The following TC2N variants were observed in gnomAD, a reference collection of about 807,000 sequenced individuals.
The protein encoded by TC2N is tandem C2 domains, nuclear.
TC2N carries 51 observed loss-of-function variants against 61.9 expected under a neutral mutation model. The ratio of observed to expected loss-of-function variants is 0.82; its 90% confidence interval spans 0.66 to 1.04. The LOEUF (loss-of-function observed/expected upper bound fraction) is 1.04, where lower values mean the gene tolerates loss of function less well. Ranked by LOEUF, TC2N falls within the 50% of genes least tolerant of loss-of-function variation. The pLI, the probability that TC2N is intolerant of heterozygous loss-of-function variation, is 0.00. For synonymous variants in TC2N, 204 were observed against 192.6 expected (o/e 1.06, Z -0.49); for missense variants, 556 against 566.7 (o/e 0.98, Z 0.19).
chr14:91,815,927 C>A (rs1367251177), intron 1 of TC2N, among the ~76,000 whole-genome samples: 2 of 151,600 alleles, frequency 1.3e-5, no homozygotes, highest in East Asian at 3.9e-4. Context: ...TAAACATAAC[C>A]ATAATAGTAT....
At chr14:91,820,944 A>G (rs896143397) in intron 1 of TC2N, among the ~76,000 whole-genome samples, 6 of 152,084 alleles carry the variant, frequency 3.9e-5, no homozygotes, top group Admixed American at 1.3e-4. Flanking sequence ...ACTGAAAGAT[A>G]TTAAAGAAGA....
chr14:91,797,667 A>G (rs1885961851), intron 8 of TC2N, 118 bp downstream of exon 8: 1 of 678,008 alleles, frequency 1.5e-6, no homozygotes, highest in Admixed American at 3.2e-5. Context: ...AATAATACAT[A>G]GTTGTAGTTT....
At chr14:91,802,922 T>C (rs1886330190) in intron 3 of TC2N, among the ~76,000 whole-genome samples, 1 of 151,660 alleles carries the variant, frequency 6.6e-6, no homozygotes, top group East Asian at 1.9e-4. Context: ...TAAAAACTAT[T>C]TATATGGAAA....
intron 3 of TC2N, among the ~76,000 whole-genome samples, chr14:91,811,402 A>C (rs1037257047): frequency 6.6e-6 from 1 of 152,016 alleles, no homozygotes; most frequent in Admixed American, 6.6e-5. Context: ...TTTTCTAATA[A>C]AATTTTGAGG....
intron 1 of TC2N, among the ~76,000 whole-genome samples, chr14:91,829,272 CTT>C (rs1309766103): frequency 1.3e-5 from 2 of 152,098 alleles, no homozygotes; most frequent in Non-Finnish European, 2.9e-5. Context: ...TTTCTTTTCT[CTT>C]TCTTTTCTTG....
At chr14:91,788,244 G>A (rs1025670572) in intron 9 of TC2N, among the ~76,000 whole-genome samples, 1 of 152,122 alleles carries the variant, frequency 6.6e-6, no homozygotes, top group Admixed American at 6.6e-5. Context: ...CAAAATGAAG[G>A]AGACTTAGAG....
intron 1 of TC2N, among the ~76,000 whole-genome samples, chr14:91,842,341 C>T (rs894376827): frequency 6.6e-6 from 1 of 152,162 alleles, no homozygotes; most frequent in Non-Finnish European, 1.5e-5. Flanking sequence ...ATAGGAACTA[C>T]AGAAATTTGG....
At chr14:91,836,417 T>G (rs542994811) in intron 1 of TC2N, 8 of 152,214 alleles carry the variant, frequency 5.3e-5, no homozygotes, top group African/African-American at 1.9e-4. Flanking sequence ...GCGGGAACTG[T>G]GACTCCGGTC....
At position 91,829,008 on chromosome 14, in the gene TC2N, A is replaced by G. The variant is rs943459477; in HGVS notation, c.-56-15183T>C. Among the ~76,000 whole-genome samples the G allele has an allele frequency of 1.1e-4, 16 of 151,476 alleles. 1 individual carries two copies. The highest frequency in any genetic ancestry group is 2.1e-4 in the South Asian group (1 of 4,820). On this transcript the variant is annotated intron_variant, in intron 1 of 11. Transcript: ENST00000435962. Reference sequence around the variant, plus strand: ...TTATTCCATTGTCTTCTGTCCCACCATTGTTATAAAGAAGGCAGCTGCTAG... The same window carrying G: ...TTATTCCATTGTCTTCTGTCCCACCGTTGTTATAAAGAAGGCAGCTGCTAG...
intron 1 of TC2N, among the ~76,000 whole-genome samples, chr14:91,831,115 T>C (rs1456021068): frequency 6.6e-6 from 1 of 152,244 alleles, no homozygotes; most frequent in African/African-American, 2.4e-5. Flanking sequence ...TACGTTTAGC[T>C]TTCTCTTAGA....
chr14:91,845,622 T>G (rs929025233), intron 1 of TC2N, among the ~76,000 whole-genome samples: 36 of 152,208 alleles, frequency 2.4e-4, no homozygotes, highest in African/African-American at 8.0e-4. Flanking sequence ...TGGTATTCTA[T>G]TCCTACCCTT....
In TC2N at chr14:91,825,283, C is replaced by T. The variant is rs191549085; in HGVS notation, c.-56-11458G>A. 1.0e-3 allele frequency among the ~76,000 whole-genome samples: 158 copies of T among 152,086 alleles called. 1 individual carries two copies. The highest frequency in any genetic ancestry group is 3.5e-3 in the Admixed American group (53 of 15,276). On this transcript the variant is annotated intron_variant, in intron 1 of 11. Transcript: ENST00000435962. ...TCCTAACCTCGTGATCCACCCGCGT[C>T]GGCCTCCCAAAGTGCTGGGATTACA...
chr14:91,811,987 T>C (rs1167438796), intron 3 of TC2N: 2 of 168,728 alleles, frequency 1.2e-5, no homozygotes, highest in East Asian at 1.7e-4. Flanking sequence ...TCAGTACAGA[T>C]GCAATCATTC....
intron 1 of TC2N, among the ~76,000 whole-genome samples, chr14:91,859,962 C>A (rs1888558376): frequency 6.6e-6 from 1 of 152,146 alleles, no homozygotes; most frequent in Non-Finnish European, 1.5e-5. Flanking sequence ...GGAACCAGAT[C>A]ACGGAAGGTT....
At chr14:91,798,010 T>C in intron 7 of TC2N, 109 bp from the exon 8 acceptor site, 1 of 720,752 alleles carries the variant, frequency 1.4e-6, no homozygotes, top group Non-Finnish European at 2.3e-6. Context: ...AAAAATAAAC[T>C]TGTCTACTGA....
chr14:91,792,338 A>G, intron 9 of TC2N, 29 bp downstream of exon 9: 1 of 1,421,050 alleles, frequency 7.0e-7, no homozygotes, highest in Admixed American at 2.0e-5. Context: ...AAAAGTATGA[A>G]ATACTCTTAA....
intron 1 of TC2N, among the ~76,000 whole-genome samples, chr14:91,825,033 T>TC (rs1290323325): frequency 6.5e-5 from 8 of 123,798 alleles, no homozygotes; most frequent in Non-Finnish European, 1.2e-4. Flanking sequence ...TTTCTTTTTT[T>TC]TTTTTTTTTT....
At chr14:91,786,695 T>C (rs10137099) in intron 10 of TC2N, among the ~76,000 whole-genome samples, 10,190 of 152,284 alleles carry the variant, frequency 0.067, 1,022 homozygotes, top group African/African-American at 0.22. Flanking sequence ...CTCTTCTGAA[T>C]TTGAAATTAT....
intron 3 of TC2N, among the ~76,000 whole-genome samples, chr14:91,806,059 T>C (rs1886494434): frequency 6.6e-6 from 1 of 152,150 alleles, no homozygotes; most frequent in Admixed American, 6.5e-5. Flanking sequence ...TCAAGAGATC[T>C]GATGGTTTTT....
Sources: allele counts gnomAD v4.1 joint callset (sites outside exome capture counted in the v4.1 genomes callset), GRCh38; gene constraint gnomAD v4.1.1; transcripts MANE v1.5; gene names NCBI Gene and HGNC (gene_info 2026-07-23, HGNC 2026-07-21).